The following BRK1 variants were observed in gnomAD, a reference collection of about 807,000 sequenced individuals.
BRK1 encodes BRICK1 subunit of SCAR/WAVE actin nucleating complex.
A neutral mutation model predicts 9.9 loss-of-function variants in BRK1; 6 were observed. The observed-to-expected ratio is 0.60, with a 90% CI of 0.33 to 1.19. The LOEUF (loss-of-function observed/expected upper bound fraction) is 1.19, where lower values mean the gene tolerates loss of function less well. Ranked by LOEUF, BRK1 falls within the 50% of genes most tolerant of loss-of-function variation. The pLI, the probability that BRK1 is intolerant of heterozygous loss-of-function variation, is 0.04. For missense variants in BRK1, 62 were observed against 97.5 expected (o/e 0.64, Z 1.53); for synonymous variants, 44 against 31.9 (o/e 1.38, Z -1.28).
At chr3:10,122,590 A>G (rs756786185) in intron 1 of BRK1, among the ~76,000 whole-genome samples, 1 of 152,096 alleles carries the variant, frequency 6.6e-6, no homozygotes, top group Non-Finnish European at 1.5e-5. Context: ...GCATCCACCT[A>G]CTGAGTAGTA....
Position 10,126,401 on chromosome 3 carries a change from G to T in BRK1, c.*106G>T. Reference sequence around the variant, plus strand: ...TCCTTTCTCCTTAAAGAGCAACAGGGCTTATTCTTGTTTTTCTTTTTTCAA... The same window carrying T: ...TCCTTTCTCCTTAAAGAGCAACAGGTCTTATTCTTGTTTTTCTTTTTTCAA... On this transcript the variant is annotated 3_prime_UTR_variant, in exon 3 of 3. Transcript: ENST00000530758. 1 of 1,009,866 alleles carries T rather than the reference G, an allele frequency of 9.9e-7. No homozygotes were observed. The highest frequency in any genetic ancestry group is 1.5e-6 in the Non-Finnish European group (1 of 679,350). 62.6% of individuals were successfully genotyped at this position (1,009,866 alleles called of 1,614,324 possible).
chr3:10,125,193 C>A (rs1001951626), intron 1 of BRK1, among the ~76,000 whole-genome samples: 3 of 151,522 alleles, frequency 2.0e-5, no homozygotes, highest in Admixed American at 6.6e-5. Context: ...ACCTTTGCCC[C>A]CCCCGGTTCA....
chr3:10,119,462 A>G (rs1020192343), intron 1 of BRK1, among the ~76,000 whole-genome samples: 2 of 152,202 alleles, frequency 1.3e-5, no homozygotes, highest in Non-Finnish European at 2.9e-5. Flanking sequence ...TCTCTCAAAG[A>G]AAAAGAATTT....
At position 10,123,580 on chromosome 3, in the gene BRK1, G is replaced by A. The variant is rs13433886; in HGVS notation, c.119-2046G>A. Among the ~76,000 whole-genome samples, 8,828 of 131,254 alleles carry A rather than the reference G, an allele frequency of 0.067. 367 individuals are homozygous for A. Among genetic ancestry groups the A allele is most frequent in the African/African-American group, 0.13 (4,472 of 34,084 alleles). The allele number at this position is 131,254 out of a possible 152,430, so 86.1% of individuals were successfully genotyped here. A position where few individuals can be genotyped will look rare whatever the true frequency, so the allele number is the denominator to read the frequency against. Reference sequence around the variant, plus strand: ...CTCCCGAATAGCTGGAATTACAGGCGCCCGCCACCACACCCGGCTAATTTT... The same window carrying A: ...CTCCCGAATAGCTGGAATTACAGGCACCCGCCACCACACCCGGCTAATTTT... On this transcript the variant is annotated intron_variant, in intron 1 of 2. Coordinates refer to ENST00000530758, the MANE Select transcript of BRK1 (RefSeq NM_018462.5).
Position 10,126,338 on chromosome 3 carries a change from A to T in BRK1, c.*43A>T. ...GCTGGGAAGTTGCTTTACACAACAC[A>T]GGCCACATGGGAAAGGCCCCAGCAG... On this transcript the variant is annotated 3_prime_UTR_variant, in exon 3 of 3. Transcript: ENST00000530758. 6.4e-7 allele frequency: 1 copy of T among 1,554,406 alleles called. No individual in the cohort carries two copies. Among genetic ancestry groups the T allele is most frequent in the Non-Finnish European group, 8.7e-7 (1 of 1,146,048 alleles).
At chr3:10,124,965 AT>A (rs1392887260) in intron 1 of BRK1, among the ~76,000 whole-genome samples, 2 of 152,052 alleles carry the variant, frequency 1.3e-5, no homozygotes, top group African/African-American at 4.8e-5. Flanking sequence ...TCTCACCTAC[AT>A]TTGTGGACTA....
intron 1 of BRK1, among the ~76,000 whole-genome samples, chr3:10,123,892 C>T (rs1463074854): frequency 2.0e-5 from 3 of 151,450 alleles, no homozygotes; most frequent in African/African-American, 7.3e-5. Flanking sequence ...CCCGCCACCA[C>T]ACCCAGCTAA....
At chr3:10,117,104 G>T (rs994106747) in intron 1 of BRK1, among the ~76,000 whole-genome samples, 2 of 152,102 alleles carry the variant, frequency 1.3e-5, no homozygotes, top group African/African-American at 4.8e-5. Context: ...AAAAAAATTA[G>T]TTGGGCATGG....
intron 1 of BRK1, among the ~76,000 whole-genome samples, chr3:10,124,340 G>C (rs1417276061): frequency 6.6e-6 from 1 of 151,474 alleles, no homozygotes; most frequent in African/African-American, 2.4e-5. Context: ...CACACCTGTA[G>C]TCCCAGCTAC....
intron 1 of BRK1, among the ~76,000 whole-genome samples, chr3:10,121,012 G>T (rs181275580): frequency 3.9e-5 from 6 of 152,310 alleles, no homozygotes; most frequent in African/African-American, 1.4e-4. Context: ...CTGTTGGGCA[G>T]TTCCGACAGA....
chr3:10,117,235 GA>G (rs1374014071), intron 1 of BRK1, among the ~76,000 whole-genome samples: 1 of 152,128 alleles, frequency 6.6e-6, no homozygotes, highest in African/African-American at 2.4e-5. Flanking sequence ...ACTGAAAATT[GA>G]AAAGCCTAAG....
intron 1 of BRK1, among the ~76,000 whole-genome samples, chr3:10,123,779 A>G (rs1216315341): frequency 9.9e-6 from 1 of 100,998 alleles, no homozygotes. Context: ...TCTGTCACCC[A>G]GGCTGCAGTG....
At chr3:10,122,621 T>C (rs188082560) in intron 1 of BRK1, among the ~76,000 whole-genome samples, 24 of 152,152 alleles carry the variant, frequency 1.6e-4, no homozygotes, top group Admixed American at 1.5e-3. Context: ...CTCGGGAGGC[T>C]GAGGTGGAAG....
Position 10,126,621 on chromosome 3 carries a change from CT to C in BRK1, c.*329del. 1 of 273,838 alleles carries C rather than the reference CT, an allele frequency of 3.7e-6. No homozygotes were observed. The highest frequency in any genetic ancestry group is 7.0e-6 in the Non-Finnish European group (1 of 143,846). 17.0% of individuals were successfully genotyped at this position (273,838 alleles called of 1,614,324 possible). A position where few individuals can be genotyped will look rare whatever the true frequency, so the allele number is the denominator to read the frequency against. On this transcript the variant is annotated 3_prime_UTR_variant, in exon 3 of 3. Coordinates refer to ENST00000530758, the MANE Select transcript of BRK1 (RefSeq NM_018462.5). Reference sequence around the variant, plus strand: ...GAAGGTCCTCCTCACCTCTATCTTTCTTTCTCTCTCTCTCAAACTTTCCTTA... The same window carrying C: ...GAAGGTCCTCCTCACCTCTATCTTTCTTCTCTCTCTCTCAAACTTTCCTTA...
intron 1 of BRK1, among the ~76,000 whole-genome samples, chr3:10,123,196 T>C (rs879787761): frequency 6.6e-6 from 1 of 152,204 alleles, no homozygotes; most frequent in Non-Finnish European, 1.5e-5. Flanking sequence ...TTAAATCTGG[T>C]TTCATTTTGA....
At chr3:10,120,952 C>T (rs1390902886) in intron 1 of BRK1, among the ~76,000 whole-genome samples, 1 of 152,276 alleles carries the variant, frequency 6.6e-6, no homozygotes, top group African/African-American at 2.4e-5. Context: ...CAGTAGCATA[C>T]ATAACGTGCT....
Position 10,119,001 on chromosome 3 carries a change from T to TTTTG in BRK1, c.118+3194_118+3197dup, listed in dbSNP as rs112147329. ...TATATTTCCTTTTCCTAATGGTTTT[T>TTTTG]TTTGTTTGTTTGTTTTGTTTGTTTT... On this transcript the variant is annotated intron_variant, in intron 1 of 2. Transcript: ENST00000530758. Among the ~76,000 whole-genome samples the TTTTG allele has an allele frequency of 0.16, 24,707 of 151,896 alleles. 2,539 individuals carry two copies. Among genetic ancestry groups the TTTTG allele is most frequent in the African/African-American group, 0.29 (11,983 of 41,366 alleles).
chr3:10,118,988 T>C (rs1401525619), intron 1 of BRK1, among the ~76,000 whole-genome samples: 2 of 150,640 alleles, frequency 1.3e-5, no homozygotes, highest in African/African-American at 5.0e-5. Context: ...TATTTCCTTT[T>C]CCTAATGGTT....
chr3:10,124,706 G>A (rs1241369241), intron 1 of BRK1, among the ~76,000 whole-genome samples: 2 of 152,020 alleles, frequency 1.3e-5, no homozygotes, highest in Non-Finnish European at 2.9e-5. Context: ...GGCTCTAGGA[G>A]AGGGTCTAGT....
Sources: allele counts gnomAD v4.1 joint callset (sites outside exome capture counted in the v4.1 genomes callset), GRCh38; gene constraint gnomAD v4.1.1; transcripts MANE v1.5; gene names NCBI Gene and HGNC (gene_info 2026-07-23, HGNC 2026-07-21).